SLC22A9: variants seen among roughly 807,000 people sequenced by gnomAD.
The protein encoded by SLC22A9 is organic anion transporter 7.
A neutral mutation model predicts 50.1 loss-of-function variants in SLC22A9; 64 were observed. That is an observed-to-expected ratio of 1.28 (90% CI 1.04 to 1.57). SLC22A9 has a LOEUF of 1.57. Among genes scored for constraint, SLC22A9 ranks in the 40% most tolerant of loss-of-function variants. The pLI, the probability that SLC22A9 is intolerant of heterozygous loss-of-function variation, is 0.00. For synonymous variants in SLC22A9, 261 were observed against 242.5 expected, an observed-to-expected ratio of 1.08 and a Z score of -0.71; for missense variants, 757 against 676.1, an observed-to-expected ratio of 1.12 and a Z score of -1.33.
At position 63,408,044 on chromosome 11, in the gene SLC22A9, T is replaced by G. The variant is rs2015070066; in HGVS notation, c.1289-68T>G. 1.7e-5 allele frequency: 23 copies of G among 1,326,018 alleles called. No homozygotes were observed. In the South Asian group the frequency reaches 2.6e-4, roughly 15 times the overall value. The allele number at this position is 1,326,018 out of a possible 1,614,324, so 82.1% of individuals were successfully genotyped here. A position where few individuals can be genotyped will look rare whatever the true frequency, so the allele number is the denominator to read the frequency against. On this transcript the variant is annotated intron_variant, in intron 7 of 9. Coordinates refer to ENST00000279178, the MANE Select transcript of SLC22A9 (RefSeq NM_080866.3). ...ACACCTCCAATACAGTCCTTTTCAC[T>G]TCTACCTTGGGGATGCTGATTCCTT...
chr11:63,373,303 T>C (rs2014398062), intron 2 of SLC22A9, among the ~76,000 whole-genome samples: 1 of 152,076 alleles, frequency 6.6e-6, no homozygotes, highest in Non-Finnish European at 1.5e-5. Flanking sequence ...TATGCTAAAG[T>C]ACATGGGAGA....
intron 6 of SLC22A9, among the ~76,000 whole-genome samples, chr11:63,402,731 C>G (rs532795413): frequency 6.6e-6 from 1 of 151,972 alleles, no homozygotes; most frequent in Non-Finnish European, 1.5e-5. Flanking sequence ...GTAAATGGTA[C>G]AATCAGAACT....
In SLC22A9 at chr11:63,383,415, A is replaced by C. The variant is rs532043220; in HGVS notation, c.1073+1138A>C. On this transcript the variant is annotated intron_variant, in intron 6 of 9. Transcript: ENST00000279178. ...GGCAGCCAGATTACAAGATATTTTAAAACAGAAACCAGTAGATCTCTCTGA... is the reference window on the plus strand; with the variant it reads ...GGCAGCCAGATTACAAGATATTTTACAACAGAAACCAGTAGATCTCTCTGA... Among the ~76,000 whole-genome samples the C allele has an allele frequency of 4.4e-4, 67 of 152,324 alleles. No individual in the cohort carries two copies. In the South Asian group the frequency reaches 0.014, roughly 31 times the overall value.
chr11:63,407,294 C>G (rs1291872502), intron 7 of SLC22A9, among the ~76,000 whole-genome samples: 1 of 152,138 alleles, frequency 6.6e-6, no homozygotes, highest in Non-Finnish European at 1.5e-5. Context: ...TTAATAGCCT[C>G]TTGTAGATTC....
At chr11:63,396,480 G>A (rs894695874) in intron 6 of SLC22A9, among the ~76,000 whole-genome samples, 14 of 152,274 alleles carry the variant, frequency 9.2e-5, no homozygotes, top group East Asian at 1.9e-4. Flanking sequence ...GTGGGGGTGC[G>A]TGTTCAGGGG....
At position 63,375,642 on chromosome 11, in the gene SLC22A9, C is replaced by A. The variant is rs1041639484; in HGVS notation, c.831-3C>A. 1 of 1,611,356 alleles carries A rather than the reference C, an allele frequency of 6.2e-7. No homozygotes were observed. Among genetic ancestry groups the A allele is most frequent in the African/African-American group, 1.3e-5 (1 of 74,784 alleles). On this transcript the variant is annotated splice_region_variant and splice_polypyrimidine_tract_variant and intron_variant, in intron 4 of 9. Coordinates refer to ENST00000279178, the MANE Select transcript of SLC22A9 (RefSeq NM_080866.3). ...CTGCCCCTCTGTTCTCTTCCTTGGT[C>A]AGTTGGCTGCTAGAGTCTGCTCGGT...
intron 6 of SLC22A9, among the ~76,000 whole-genome samples, chr11:63,400,795 A>T (rs909873525): frequency 6.6e-6 from 1 of 152,160 alleles, no homozygotes; most frequent in African/African-American, 2.4e-5. Flanking sequence ...CATTAAAGAG[A>T]TCATTCATCA....
intron 6 of SLC22A9, among the ~76,000 whole-genome samples, chr11:63,405,864 G>A (rs1157841475): frequency 6.6e-6 from 1 of 152,074 alleles, no homozygotes; most frequent in Non-Finnish European, 1.5e-5. Flanking sequence ...TAAACCTCAG[G>A]CCCCATAGTT....
chr11:63,406,990 A>G (rs191948126), intron 7 of SLC22A9, among the ~76,000 whole-genome samples: 462 of 152,298 alleles, frequency 3.0e-3, no homozygotes, highest in Non-Finnish European at 5.5e-3. Context: ...CTACAACAGC[A>G]ATCAATTACT....
chr11:63,372,493 T>C (rs1452452034), intron 2 of SLC22A9, among the ~76,000 whole-genome samples: 1 of 152,142 alleles, frequency 6.6e-6, no homozygotes, highest in Non-Finnish European at 1.5e-5. Flanking sequence ...CATACTATAG[T>C]GTTCCACCAA....
In SLC22A9 at chr11:63,382,123, C is replaced by G. The variant is rs370924588; in HGVS notation, c.955-36C>G. On this transcript the variant is annotated intron_variant, in intron 5 of 9. Coordinates refer to ENST00000279178, the MANE Select transcript of SLC22A9 (RefSeq NM_080866.3). ...GCCTACAGTGCCTACTCTTTTCTGA[C>G]AACTGTACAGTTTATTGTTTCTGCT... 3.9e-6 allele frequency: 6 copies of G among 1,540,602 alleles called. No homozygotes were observed. The African/African-American group carries it at 8.3e-5, about 21-fold the overall frequency.
Position 63,371,118 on chromosome 11 carries a change from G to A in SLC22A9, c.403-17G>A. 6.3e-7 allele frequency: 1 copy of A among 1,586,456 alleles called. No homozygotes were observed. Among genetic ancestry groups the A allele is most frequent in the Non-Finnish European group, 8.7e-7 (1 of 1,155,668 alleles). On this transcript the variant is annotated splice_polypyrimidine_tract_variant and intron_variant, in intron 1 of 9. Transcript: ENST00000279178. The stretch of plus-strand genomic sequence containing the variant: ...AGGGGTAATAAGCATTGATGTGCTG[G>A]CTTCCTTCTCTTCCAGTGGGATCTG...
At chr11:63,409,172 A>T (rs991890335) in intron 9 of SLC22A9, among the ~76,000 whole-genome samples, 4 of 152,156 alleles carry the variant, frequency 2.6e-5, no homozygotes, top group African/African-American at 9.7e-5. Flanking sequence ...CTAGTGTGAT[A>T]TGCACACTGT....
chr11:63,370,586 T>C (rs2014337377), intron 1 of SLC22A9, 128 bp downstream of exon 1: 6 of 1,104,728 alleles, frequency 5.4e-6, no homozygotes, highest in Non-Finnish European at 7.4e-6. Context: ...CAAATACTAA[T>C]TGCTTCTTTA....
rs760600513 is a variant in SLC22A9, at chr11:63,371,104, G to A, written c.403-31G>A. 2.3e-5 allele frequency: 35 copies of A among 1,507,426 alleles called. No individual in the cohort carries two copies. The Middle Eastern group carries it at 2.2e-3, about 95-fold the overall frequency. 93.4% of individuals were successfully genotyped at this position (1,507,426 alleles called of 1,614,324 possible). A position where few individuals can be genotyped will look rare whatever the true frequency, so the allele number is the denominator to read the frequency against. On this transcript the variant is annotated intron_variant, in intron 1 of 9. Coordinates refer to ENST00000279178, the MANE Select transcript of SLC22A9 (RefSeq NM_080866.3). ...ATCAAGTTACACTGAGGGGTAATAA[G>A]CATTGATGTGCTGGCTTCCTTCTCT...
At chr11:63,401,691 G>T (rs1184737537) in intron 6 of SLC22A9, among the ~76,000 whole-genome samples, 1 of 151,886 alleles carries the variant, frequency 6.6e-6, no homozygotes, top group Non-Finnish European at 1.5e-5. Context: ...AAAGAACAAA[G>T]CTGGAGTGGC....
At chr11:63,396,889 G>T (rs2014868137) in intron 6 of SLC22A9, among the ~76,000 whole-genome samples, 1 of 152,086 alleles carries the variant, frequency 6.6e-6, no homozygotes, top group Admixed American at 6.6e-5. Context: ...AGTTTACTTG[G>T]TGAGGTAATG....
chr11:63,403,820 T>TC (rs1565189837), intron 6 of SLC22A9, among the ~76,000 whole-genome samples: 33 of 151,670 alleles, frequency 2.2e-4, no homozygotes, highest in East Asian at 1.4e-3. Context: ...AATAAATAAA[T>TC]AAATCAATCA....
At chr11:63,389,926 T>A (rs1337291233) in intron 6 of SLC22A9, among the ~76,000 whole-genome samples, 1 of 152,252 alleles carries the variant, frequency 6.6e-6, no homozygotes, top group Non-Finnish European at 1.5e-5. Context: ...ATTTGTCTAA[T>A]GACCAGTGAT....
Sources: gnomAD v4.1 joint callset for allele counts (sites outside exome capture counted in the v4.1 genomes callset) on GRCh38, gnomAD v4.1.1 for gene constraint, MANE v1.5 for transcripts, NCBI Gene and HGNC (gene_info 2026-07-23, HGNC 2026-07-21) for gene names.